The following STPG2 variants were observed in gnomAD, a reference collection of about 807,000 sequenced individuals.
The protein encoded by STPG2 is sperm-tail PG-rich repeat-containing protein 2.
Under a neutral mutation model 54.2 loss-of-function variants are expected in STPG2, and 56 were observed. The observed-to-expected ratio is 1.03, with a 90% CI of 0.83 to 1.29. STPG2 has a LOEUF of 1.29. STPG2 is among the 50% of genes most tolerant of loss of function. The pLI is 0.00. For synonymous variants in STPG2, 200 were observed against 181.8 expected (o/e 1.10, Z -0.81); for missense variants, 596 against 544.9 (o/e 1.09, Z -0.93).
chr4:97,504,946 T>C (rs1012585807), intron 4 of STPG2, among the ~76,000 whole-genome samples: 3 of 151,940 alleles, frequency 2.0e-5, no homozygotes, highest in African/African-American at 7.2e-5. Context: ...TCAACATTTG[T>C]AGGAATTAGG....
At chr4:97,836,881 AT>A (rs1728652225) in intron 9 of STPG2, among the ~76,000 whole-genome samples, 1 of 149,430 alleles carries the variant, frequency 6.7e-6, no homozygotes, top group Non-Finnish European at 1.5e-5. Flanking sequence ...ATAAATTAAT[AT>A]TTAGTTAATA....
chr4:97,752,760 T>A (rs1190147269), intron 9 of STPG2, among the ~76,000 whole-genome samples: 1 of 151,826 alleles, frequency 6.6e-6, no homozygotes, highest in Non-Finnish European at 1.5e-5. Context: ...TCGCCAAGAT[T>A]TAATTTCCTC....
intron 10 of STPG2, among the ~76,000 whole-genome samples, chr4:97,687,804 A>C (rs1723246389): frequency 6.6e-6 from 1 of 152,260 alleles, no homozygotes; most frequent in Non-Finnish European, 1.5e-5. Flanking sequence ...ATAAAAGGAA[A>C]AGAACCTGTA....
intron 8 of STPG2, among the ~76,000 whole-genome samples, chr4:97,847,743 A>G (rs995823621): frequency 2.0e-5 from 3 of 152,186 alleles, no homozygotes; most frequent in Non-Finnish European, 4.4e-5. Flanking sequence ...CCTTACCTGC[A>G]ACTACCAAAC....
chr4:97,644,997 C>A (rs974156318), intron 10 of STPG2, among the ~76,000 whole-genome samples: 6 of 152,004 alleles, frequency 3.9e-5, no homozygotes, highest in African/African-American at 1.4e-4. Flanking sequence ...CATGGCTCAG[C>A]AGTACTGGGA....
chr4:98,061,284 TCA>T (rs1284924051), intron 5 of STPG2, among the ~76,000 whole-genome samples: 1 of 152,180 alleles, frequency 6.6e-6, no homozygotes, highest in Non-Finnish European at 1.5e-5. Flanking sequence ...TTTAATTGAC[TCA>T]CAGTTTCACA....
At chr4:98,025,008 G>A (rs1736366482) in intron 5 of STPG2, among the ~76,000 whole-genome samples, 1 of 152,132 alleles carries the variant, frequency 6.6e-6, no homozygotes, top group South Asian at 2.1e-4. Flanking sequence ...AATGACTACT[G>A]CAAATGTAAT....
At position 97,450,681 on chromosome 4, in the gene STPG2, G is replaced by A. The variant is rs185923101; in HGVS notation, c.462+262018C>T. On this transcript the variant is annotated intron_variant, in intron 4 of 4. Transcript: ENST00000522676. ...TAGGCTAATAAGCCTGGAATGGCAC[G>A]GAGCAAGATAGGCCTCATGAGGGAT... 7.5e-4 allele frequency among the ~76,000 whole-genome samples: 114 copies of A among 152,290 alleles called. 1 individual carries two copies. The highest frequency in any genetic ancestry group is 1.5e-3 in the African/African-American group (63 of 41,574).
At chr4:97,634,556 C>T (rs946780447) in intron 10 of STPG2, among the ~76,000 whole-genome samples, 4 of 151,300 alleles carry the variant, frequency 2.6e-5, no homozygotes, top group Admixed American at 6.6e-5. Flanking sequence ...TACGGGAGGA[C>T]ATTCAAACCA....
intron 9 of STPG2, among the ~76,000 whole-genome samples, chr4:97,793,839 A>G (rs2149082856): frequency 6.6e-6 from 1 of 152,228 alleles, no homozygotes; most frequent in Non-Finnish European, 1.5e-5. Context: ...TATATGTCCC[A>G]AATCAGTAAA....
chr4:97,466,507 C>T (rs749228524), intron 4 of STPG2, among the ~76,000 whole-genome samples: 1 of 151,976 alleles, frequency 6.6e-6, no homozygotes, highest in African/African-American at 2.4e-5. Context: ...GGGCTTGGGA[C>T]GTAGCAACTC....
chr4:97,581,192 C>T (rs1732855634), intron 10 of STPG2, among the ~76,000 whole-genome samples: 2 of 151,946 alleles, frequency 1.3e-5, no homozygotes, highest in South Asian at 4.1e-4. Flanking sequence ...TTTAGTTGCT[C>T]AACTGACAGG....
At chr4:97,914,599 C>T (rs1731804234) in intron 8 of STPG2, among the ~76,000 whole-genome samples, 1 of 152,126 alleles carries the variant, frequency 6.6e-6, no homozygotes, top group Non-Finnish European at 1.5e-5. Context: ...CCATTCTCTC[C>T]TCCCCACTTG....
intron 10 of STPG2, among the ~76,000 whole-genome samples, chr4:97,629,366 TA>T (rs1721182206): frequency 6.6e-6 from 1 of 152,054 alleles, no homozygotes; most frequent in Non-Finnish European, 1.5e-5. Flanking sequence ...TTTTGCTACT[TA>T]AGATAAAAAA....
intron 5 of STPG2, among the ~76,000 whole-genome samples, chr4:98,096,574 G>C (rs982932079): frequency 6.6e-5 from 10 of 151,778 alleles, no homozygotes; most frequent in African/African-American, 1.9e-4. Context: ...AAAATGGCAA[G>C]AGCAAACCAA....
chr4:97,549,822 C>A (rs557490137), intron 4 of STPG2, among the ~76,000 whole-genome samples: 1 of 152,160 alleles, frequency 6.6e-6, no homozygotes, highest in South Asian at 2.1e-4. Context: ...ACAGTGTGAC[C>A]CTGCTGACAC....
intron 10 of STPG2, among the ~76,000 whole-genome samples, chr4:97,635,027 A>T (rs1035139934): frequency 5.3e-5 from 8 of 152,036 alleles, no homozygotes; most frequent in African/African-American, 1.9e-4. Flanking sequence ...CAACTCCAAG[A>T]CACATAATTG....
chr4:97,588,775 G>T (rs933065932), intron 10 of STPG2, among the ~76,000 whole-genome samples: 1 of 151,964 alleles, frequency 6.6e-6, no homozygotes, highest in African/African-American at 2.4e-5. Flanking sequence ...TATTTTAAAA[G>T]ATATCTTTTG....
At chr4:97,588,568 C>G (rs55955462) in intron 10 of STPG2, among the ~76,000 whole-genome samples, 101,588 of 151,844 alleles carry the variant, frequency 0.67, 34,896 homozygotes, top group African/African-American at 0.83. Flanking sequence ...AATTTAAAAA[C>G]TCTGATGCTA....
Sources: allele counts gnomAD v4.1 joint callset (sites outside exome capture counted in the v4.1 genomes callset), GRCh38; gene constraint gnomAD v4.1.1; transcripts MANE v1.5; gene names NCBI Gene and HGNC (gene_info 2026-07-23, HGNC 2026-07-21).